Variants in POLK observed in about 807,000 individuals in gnomAD.
POLK encodes the protein DNA polymerase kappa, also known as polymerase (DNA directed) kappa.
Under a neutral mutation model 94.0 loss-of-function variants are expected in POLK, and 76 were observed. The observed-to-expected ratio is 0.81, with a 90% confidence interval of 0.67 to 0.98. POLK has a LOEUF of 0.98. POLK is among the 50% of genes least tolerant of loss of function. The probability of loss-of-function intolerance (pLI) is 0.00; values close to 1 mark genes in which losing one functional copy is unlikely to be tolerated. For missense variants in POLK, 954 were observed against 1,010.1 expected (o/e 0.94, Z 0.75); for synonymous variants, 349 against 325.4 (o/e 1.07, Z -0.78).
chr5:75,530,319 G>T (rs1769099034), intron 1 of POLK, among the ~76,000 whole-genome samples: 1 of 135,898 alleles, frequency 7.4e-6, no homozygotes, highest in East Asian at 2.2e-4. Flanking sequence ...GCACGATCTA[G>T]GCTCACTGCA....
intron 4 of POLK, among the ~76,000 whole-genome samples, chr5:75,570,278 TA>T: frequency 6.6e-6 from 1 of 152,286 alleles, no homozygotes; most frequent in East Asian, 1.9e-4. Flanking sequence ...CATGGCAAAT[TA>T]AATTTTTCCA....
intron 1 of POLK, among the ~76,000 whole-genome samples, chr5:75,516,784 TTTTGA>T (rs1244695214): frequency 6.6e-6 from 1 of 152,234 alleles, no homozygotes; most frequent in Non-Finnish European, 1.5e-5. Flanking sequence ...TTCTAATCCA[TTTTGA>T]TTTGATTTTT....
In POLK at chr5:75,581,708, C is replaced by G. The variant is rs1442434307; in HGVS notation, c.934+260C>G. On this transcript the variant is annotated intron_variant, in intron 7 of 14. Transcript: ENST00000241436. Reference sequence around the variant, plus strand: ...TTTTTTTTTTTGAGATGGAGTCTTGCTCTGTTGCCCAGGTTGGAGTGCAGT... The same window carrying G: ...TTTTTTTTTTTGAGATGGAGTCTTGGTCTGTTGCCCAGGTTGGAGTGCAGT... 2.4e-5 allele frequency: 8 copies of G among 327,588 alleles called. No individual in the cohort carries two copies. The Admixed American group carries it at 2.9e-4, about 12-fold the overall frequency. The allele number at this position is 327,588 out of a possible 1,614,324, so 20.3% of individuals were successfully genotyped here.
intron 3 of POLK, among the ~76,000 whole-genome samples, chr5:75,564,864 G>T (rs1221564330): frequency 6.6e-6 from 1 of 152,098 alleles, no homozygotes; most frequent in East Asian, 1.9e-4. Flanking sequence ...GTGTCTTGGG[G>T]TTGCTCTTCT....
intron 1 of POLK, among the ~76,000 whole-genome samples, chr5:75,536,050 G>T (rs1020797369): frequency 2.6e-5 from 4 of 152,128 alleles, no homozygotes; most frequent in African/African-American, 9.7e-5. Flanking sequence ...TTCTTGTGCT[G>T]GTTCTTTCTC....
intron 1 of POLK, among the ~76,000 whole-genome samples, chr5:75,517,657 A>G (rs1452977413): frequency 6.6e-6 from 1 of 152,158 alleles, no homozygotes; most frequent in Non-Finnish European, 1.5e-5. Context: ...TGCTGTGACC[A>G]GGGCTTTCAG....
At chr5:75,529,262 A>G (rs1308114483) in intron 1 of POLK, among the ~76,000 whole-genome samples, 1 of 152,124 alleles carries the variant, frequency 6.6e-6, no homozygotes, top group African/African-American at 2.4e-5. Flanking sequence ...GAGCAGGAGC[A>G]AAAGAGAGAG....
At chr5:75,601,978 C>T (rs911173746), downstream of POLK, among the ~76,000 whole-genome samples, 1 of 152,220 alleles carries the variant, frequency 6.6e-6, no homozygotes, top group African/African-American at 2.4e-5. Context: ...CTAAATTCTT[C>T]TCTCCAACCC....
intron 8 of POLK, among the ~76,000 whole-genome samples, chr5:75,583,916 T>C (rs1451245832): frequency 6.6e-6 from 1 of 152,194 alleles, no homozygotes; most frequent in Non-Finnish European, 1.5e-5. Flanking sequence ...TCTGCATATA[T>C]ACACTATTTT....
chr5:75,511,681 C>A (rs531428706), upstream of POLK: 33 of 1,532,188 alleles, frequency 2.2e-5, no homozygotes, highest in Non-Finnish European at 2.5e-5. Context: ...CATTCTCCCC[C>A]ACTACTCCCC....
intron 3 of POLK, among the ~76,000 whole-genome samples, chr5:75,558,927 C>T (rs1368042593): frequency 1.3e-5 from 2 of 152,136 alleles, no homozygotes; most frequent in African/African-American, 4.8e-5. Context: ...TACTAATAAT[C>T]TGAAGGAATA....
chr5:75,545,480 A>G (rs909337250), intron 1 of POLK, among the ~76,000 whole-genome samples: 7 of 152,200 alleles, frequency 4.6e-5, no homozygotes, highest in African/African-American at 1.7e-4. Flanking sequence ...AATTCATTCA[A>G]TCTTGCTGAA....
chr5:75,567,076 G>A (rs1213405815), intron 3 of POLK, among the ~76,000 whole-genome samples: 1 of 152,154 alleles, frequency 6.6e-6, no homozygotes, highest in African/African-American at 2.4e-5. Context: ...GTCATGCAGT[G>A]GAGAGGTTTC....
chr5:75,596,549 G>A (rs777095872), exon 13 of POLK: 3 of 1,613,860 alleles, frequency 1.9e-6, no homozygotes, highest in Admixed American at 3.3e-5. Context: ...TCAGATGACT[G>A]TCAGATACTT....
intron 1 of POLK, among the ~76,000 whole-genome samples, chr5:75,517,352 C>G (rs745584107): frequency 3.3e-5 from 5 of 152,012 alleles, no homozygotes; most frequent in Non-Finnish European, 4.4e-5. Context: ...AGATCTTTCA[C>G]TTAAGATAAT....
At chr5:75,582,325 C>G (rs1312787004) in intron 7 of POLK, 1 of 156,562 alleles carries the variant, frequency 6.4e-6, no homozygotes, top group Admixed American at 6.5e-5. Flanking sequence ...TACACCAAAG[C>G]ATGAGAATGA....
chr5:75,569,482 T>C, exon 4 of POLK: 5 of 1,611,434 alleles, frequency 3.1e-6, no homozygotes, highest in Middle Eastern at 1.7e-4. Flanking sequence ...GTAGGATCAA[T>C]GAGTATGCTG....
chr5:75,585,868 A>G (rs1772443959), intron 9 of POLK, among the ~76,000 whole-genome samples: 1 of 152,216 alleles, frequency 6.6e-6, no homozygotes, highest in African/African-American at 2.4e-5. Flanking sequence ...TGCATATAAA[A>G]TTGATGGACT....
At chr5:75,544,440 G>C (rs569065743) in intron 1 of POLK, among the ~76,000 whole-genome samples, 96 of 152,212 alleles carry the variant, frequency 6.3e-4, no homozygotes, top group Non-Finnish European at 6.9e-4. Context: ...TGAGTAGTTT[G>C]AGACCAGCCT....
Sources: allele counts gnomAD v4.1 joint callset (sites outside exome capture counted in the v4.1 genomes callset), GRCh38; gene constraint gnomAD v4.1.1; transcripts MANE v1.5; gene names NCBI Gene and HGNC (gene_info 2026-07-23, HGNC 2026-07-21).